The following PDLIM2 variants were observed in gnomAD, a reference collection of about 807,000 sequenced individuals.
The protein encoded by PDLIM2 is PDZ and LIM domain protein 2.
In PDLIM2, 51 loss-of-function variants were observed where a neutral mutation model predicts 54.1. That is an observed-to-expected ratio of 0.94 (90% CI 0.75 to 1.19). PDLIM2 has a LOEUF of 1.19. Ranked by LOEUF, PDLIM2 falls within the 50% of genes most tolerant of loss-of-function variation. The pLI is 0.00. For missense variants in PDLIM2, 912 were observed against 874.0 expected, an observed-to-expected ratio of 1.04 and a Z score of -0.55; for synonymous variants, 398 against 385.6, an observed-to-expected ratio of 1.03 and a Z score of -0.38.
chr8:22,578,772 A>T (rs1800104610), exon 1 of PDLIM2: 1 of 1,233,832 alleles, frequency 8.1e-7, no homozygotes, highest in Non-Finnish European at 1.0e-6. Context: ...CCTGCCCAGG[A>T]CCTGGGGATG....
At chr8:22,587,160 G>A (rs1426196501) in intron 6 of PDLIM2, among the ~76,000 whole-genome samples, 1 of 152,178 alleles carries the variant, frequency 6.6e-6, no homozygotes, top group Non-Finnish European at 1.5e-5. Context: ...CTGACCCTAT[G>A]GAGCTGACGT....
At chr8:22,579,053 G>T (rs1800111637) in exon 1 of PDLIM2, 1 of 1,249,088 alleles carries the variant, frequency 8.0e-7, no homozygotes, top group Non-Finnish European at 1.0e-6. Flanking sequence ...GGCTTCTCGG[G>T]CTAGGGGCGG....
At chr8:22,581,785 G>A (rs897361473) in intron 3 of PDLIM2, among the ~76,000 whole-genome samples, 14 of 152,368 alleles carry the variant, frequency 9.2e-5, no homozygotes, top group African/African-American at 3.4e-4. Flanking sequence ...AGGGCGAGCT[G>A]GCACCAGCCA....
chr8:22,581,278 G>A, intron 2 of PDLIM2, 101 bp from the exon 2 acceptor site: 1 of 1,464,636 alleles, frequency 6.8e-7, no homozygotes, highest in Non-Finnish European at 9.2e-7. Context: ...GTGCAGGCCG[G>A]CCTGGGTCAA....
At chr8:22,593,688 G>T in intron 9 of PDLIM2, 45 bp from the exon 9 acceptor site, 1 of 1,524,384 alleles carries the variant, frequency 6.6e-7, no homozygotes. Context: ...GTGGCCTCCT[G>T]CTTGGTGCTG....
chr8:22,578,803 G>A, exon 1 of PDLIM2: 2 of 1,234,324 alleles, frequency 1.6e-6, no homozygotes, highest in Non-Finnish European at 2.0e-6. Context: ...GAGCGCGGCC[G>A]GCGTGGGAGA....
At chr8:22,584,023 A>G (rs886402779) in intron 3 of PDLIM2, among the ~76,000 whole-genome samples, 1 of 151,790 alleles carries the variant, frequency 6.6e-6, no homozygotes, top group Non-Finnish European at 1.5e-5. Context: ...GTCGTTTGAG[A>G]TGGAGTCTCA....
chr8:22,578,850 G>A lies in PDLIM2; in HGVS notation c.71G>A (p.Trp24Ter). The change falls in exon 1 of 10, where the codon TGG becomes TAG. Residue 24 changes from tryptophan (W) to a stop codon, truncating the protein, a stop_gained. Transcript: ENST00000308354. LOFTEE classifies it high-confidence loss of function. Reference sequence around the variant, plus strand: ...CTGCCCCCTCGATCGTCTGCGAAGTGGGGCGCGGGGCAGTCCCTGGACCGG... The same window carrying A: ...CTGCCCCCTCGATCGTCTGCGAAGTAGGGCGCGGGGCAGTCCCTGGACCGG... 8.1e-7 allele frequency: 1 copy of A among 1,234,560 alleles called. No homozygotes were observed. The highest frequency in any genetic ancestry group is 1.0e-6 in the Non-Finnish European group (1 of 988,628). The allele number at this position is 1,234,560 out of a possible 1,614,324, so 76.5% of individuals were successfully genotyped here.
chr8:22,582,288 A>C (rs1800225793), intron 3 of PDLIM2, among the ~76,000 whole-genome samples: 1 of 152,158 alleles, frequency 6.6e-6, no homozygotes, highest in African/African-American at 2.4e-5. Context: ...CTCCTTCTCC[A>C]ACTGCCCTGC....
intron 1 of PDLIM2, chr8:22,579,862 G>C (rs1267764439): frequency 2.2e-5 from 6 of 272,784 alleles, no homozygotes; most frequent in Non-Finnish European, 3.4e-5. Context: ...CTGTCACCCC[G>C]GCTGTCTGTC....
chr8:22,589,926 TCC>T (rs1800495363), intron 8 of PDLIM2, 185 bp downstream of exon 7: 6 of 740,768 alleles, frequency 8.1e-6, no homozygotes, highest in Non-Finnish European at 1.1e-5. Flanking sequence ...TCCGGGAGGG[TCC>T]GGGAGGGTCA....
rs529800748 is a variant in PDLIM2 at position 22,581,185 on chromosome 8, G to T, written c.844-194G>T. 50 of 675,832 alleles carry T rather than the reference G, an allele frequency of 7.4e-5. No homozygotes were observed. The African/African-American group carries it at 8.9e-4, about 12-fold the overall frequency. 41.9% of individuals were successfully genotyped at this position (675,832 alleles called of 1,614,324 possible). ...GGGAGGCCCATTAGAATGCCAGTGT[G>T]GGGTGGGGGCTGCCACCTGCGCTCC... On this transcript the variant is annotated intron_variant, in intron 2 of 9. Transcript: ENST00000308354.
chr8:22,594,646 G>T, downstream of PDLIM2: 1 of 1,612,748 alleles, frequency 6.2e-7, no homozygotes, highest in Non-Finnish European at 8.5e-7. Flanking sequence ...AGCCAAGCTG[G>T]TGAGACAACC....
intron 8 of PDLIM2, chr8:22,590,145 G>C (rs961689445): frequency 6.2e-5 from 12 of 194,946 alleles, no homozygotes; most frequent in Admixed American, 5.5e-5. Flanking sequence ...TGTGGAAGGT[G>C]GAGGCTGGCG....
At chr8:22,581,650 C>T in intron 3 of PDLIM2, 120 bp downstream of exon 2, 2 of 1,291,876 alleles carry the variant, frequency 1.5e-6, no homozygotes, top group South Asian at 3.1e-5. Context: ...CTTCTTGGGC[C>T]CTCTCCACAC....
chr8:22,579,076 C>T (rs920297997), exon 1 of PDLIM2: 65 of 1,253,896 alleles, frequency 5.2e-5, no homozygotes, highest in Non-Finnish European at 6.3e-5. Flanking sequence ...GCAGGGGCGG[C>T]CCCGGGATCA....
At position 22,579,140 on chromosome 8, in the gene PDLIM2, A is replaced by T; in HGVS notation, c.361A>T (p.Arg121Ter). The change falls in exon 1 of 10, where the codon AGA becomes TGA. Residue 121 changes from arginine (R) to a stop codon, truncating the protein, a stop_gained. Transcript: ENST00000308354. LOFTEE classifies it high-confidence loss of function. ...GGGCGGGCTCTCCCCAGAGTCGGGTAGACGGCAGCGGGAGCGGTGGCGTCT... is the reference window on the plus strand; with the variant it reads ...GGGCGGGCTCTCCCCAGAGTCGGGTTGACGGCAGCGGGAGCGGTGGCGTCT... 1.1e-5 allele frequency: 15 copies of T among 1,313,662 alleles called. No individual in the cohort carries two copies. Among genetic ancestry groups the T allele is most frequent in the Non-Finnish European group, 1.4e-5 (15 of 1,037,054 alleles). The allele number at this position is 1,313,662 out of a possible 1,614,324, so 81.4% of individuals were successfully genotyped here. A position where few individuals can be genotyped will look rare whatever the true frequency, so the allele number is the denominator to read the frequency against.
exon 4 of PDLIM2, chr8:22,584,890 G>T: frequency 1.2e-6 from 2 of 1,614,136 alleles, no homozygotes; most frequent in Non-Finnish European, 1.7e-6. Flanking sequence ...CTCGCTTCCA[G>T]GTAAGCTGGT....
chr8:22,583,301 G>A (rs1474128922), intron 3 of PDLIM2, among the ~76,000 whole-genome samples: 1 of 152,048 alleles, frequency 6.6e-6, no homozygotes, highest in East Asian at 1.9e-4. Flanking sequence ...TAACTGGGGA[G>A]ACCCCTGAGA....
Sources: allele counts gnomAD v4.1 joint callset (sites outside exome capture counted in the v4.1 genomes callset), GRCh38; gene constraint gnomAD v4.1.1; transcripts MANE v1.5; gene names NCBI Gene and HGNC (gene_info 2026-07-23, HGNC 2026-07-21).